The following MGMT variants were observed in gnomAD, a reference collection of about 807,000 sequenced individuals.
MGMT encodes methylated-DNA--protein-cysteine methyltransferase.
In MGMT, 14 loss-of-function variants were observed where a neutral mutation model predicts 15.9. The ratio of observed to expected loss-of-function variants is 0.88; its 90% confidence interval spans 0.58 to 1.37. MGMT has a LOEUF of 1.37. MGMT is among the 40% of genes most tolerant of loss of function. MGMT has a pLI of 0.00. For synonymous variants in MGMT, 130 were observed against 118.2 expected (o/e 1.10, Z -0.65); for missense variants, 282 against 268.1 (o/e 1.05, Z -0.36).
At chr10:129,729,817 C>T (rs1302237020) in intron 3 of MGMT, among the ~76,000 whole-genome samples, 1 of 152,184 alleles carries the variant, frequency 6.6e-6, no homozygotes, top group Admixed American at 6.5e-5. Context: ...GCACGATGAT[C>T]AATGGAAAAT....
chr10:129,766,176 GTCC>G (rs1369159811), intron 4 of MGMT, among the ~76,000 whole-genome samples: 1 of 152,220 alleles, frequency 6.6e-6, no homozygotes, highest in African/African-American at 2.4e-5. Context: ...GGTTGGCCAA[GTCC>G]TCCTGTCAAG....
chr10:129,697,964 G>T (rs1019578883), intron 2 of MGMT, among the ~76,000 whole-genome samples: 2 of 152,200 alleles, frequency 1.3e-5, no homozygotes, highest in African/African-American at 4.8e-5. Context: ...AACTCCAGTG[G>T]CACCAAGCGG....
chr10:129,551,696 A>G (rs1475268221), intron 2 of MGMT, among the ~76,000 whole-genome samples: 2 of 151,990 alleles, frequency 1.3e-5, no homozygotes, highest in Non-Finnish European at 2.9e-5. Context: ...TTACTCTCTT[A>G]TTTATTTATT....
At chr10:129,486,064 A>T (rs1406347206) in intron 1 of MGMT, among the ~76,000 whole-genome samples, 3 of 151,962 alleles carry the variant, frequency 2.0e-5, no homozygotes, top group Non-Finnish European at 4.4e-5. Context: ...TAGCCTTTTT[A>T]ATTTTTTTTT....
At chr10:129,686,570 T>TTGG (rs1409899216) in intron 2 of MGMT, among the ~76,000 whole-genome samples, 628 of 45,076 alleles carry the variant, frequency 0.014, 1 homozygote, top group African/African-American at 0.091. Context: ...AAATGGGGTT[T>TTGG]TCTGCTGCTC....
intron 2 of MGMT, among the ~76,000 whole-genome samples, chr10:129,560,212 A>G (rs1415764336): frequency 6.6e-6 from 1 of 152,218 alleles, no homozygotes; most frequent in East Asian, 1.9e-4. Flanking sequence ...GTAAGTTCTT[A>G]TATAAAAACG....
intron 3 of MGMT, among the ~76,000 whole-genome samples, chr10:129,741,725 A>G (rs942008645): frequency 3.3e-5 from 5 of 152,106 alleles, no homozygotes; most frequent in African/African-American, 1.2e-4. Context: ...CAGCTTTCTC[A>G]TGCATCCCGT....
intron 2 of MGMT, among the ~76,000 whole-genome samples, chr10:129,626,791 A>G (rs552140927): frequency 2.6e-5 from 4 of 152,374 alleles, no homozygotes; most frequent in South Asian, 4.1e-4. Flanking sequence ...AAGATGCACT[A>G]TAATTACTCT....
At chr10:129,605,298 C>CG (rs1846875711) in intron 2 of MGMT, among the ~76,000 whole-genome samples, 1 of 152,030 alleles carries the variant, frequency 6.6e-6, no homozygotes, top group Non-Finnish European at 1.5e-5. Flanking sequence ...ACTTACTCTA[C>CG]TATTTGCGGT....
intron 1 of MGMT, among the ~76,000 whole-genome samples, chr10:129,496,821 G>A (rs547674930): frequency 2.6e-5 from 4 of 152,014 alleles, no homozygotes; most frequent in African/African-American, 9.7e-5. Context: ...AAGGGATCTT[G>A]GTATATATTT....
intron 2 of MGMT, among the ~76,000 whole-genome samples, chr10:129,572,533 C>A (rs55776404): frequency 6.6e-6 from 1 of 152,110 alleles, no homozygotes; most frequent in Admixed American, 6.5e-5. Flanking sequence ...ATTCCGCTCT[C>A]GGAGCTTGAT....
chr10:129,727,799 C>T (rs948639598), intron 3 of MGMT, among the ~76,000 whole-genome samples: 1 of 152,216 alleles, frequency 6.6e-6, no homozygotes, highest in African/African-American at 2.4e-5. Flanking sequence ...GCCAGCACTG[C>T]AGGCAGCAAG....
chr10:129,590,411 A>T (rs1408850949), intron 2 of MGMT, among the ~76,000 whole-genome samples: 1 of 152,230 alleles, frequency 6.6e-6, no homozygotes, highest in African/African-American at 2.4e-5. Flanking sequence ...TTAGATGGCT[A>T]ACTCAGCATT....
intron 2 of MGMT, among the ~76,000 whole-genome samples, chr10:129,625,314 A>G (rs1847133989): frequency 6.6e-6 from 1 of 152,226 alleles, no homozygotes; most frequent in Non-Finnish European, 1.5e-5. Flanking sequence ...ATCTTATATT[A>G]GCCCTTTCAA....
intron 1 of MGMT, among the ~76,000 whole-genome samples, chr10:129,492,627 G>A (rs1054016232): frequency 2.0e-5 from 3 of 152,182 alleles, no homozygotes; most frequent in African/African-American, 7.2e-5. Context: ...CCCTTCCCAG[G>A]TGGAGTGGCT....
intron 2 of MGMT, among the ~76,000 whole-genome samples, chr10:129,576,644 T>C (rs921364973): frequency 4.0e-4 from 61 of 152,204 alleles, no homozygotes; most frequent in African/African-American, 1.3e-3. Context: ...GATGCCCTCT[T>C]TCACCACTCC....
At chr10:129,536,476 C>G in intron 2 of MGMT, 99 bp downstream of exon 2, 1 of 1,452,626 alleles carries the variant, frequency 6.9e-7, no homozygotes, top group Non-Finnish European at 9.3e-7. Flanking sequence ...CAGGGTAACG[C>G]ATAGCCTTAC....
At chr10:129,661,186 T>C (rs939336825) in intron 2 of MGMT, among the ~76,000 whole-genome samples, 1 of 152,236 alleles carries the variant, frequency 6.6e-6, no homozygotes, top group Non-Finnish European at 1.5e-5. Context: ...TTTTCCCACT[T>C]TGAGTGGAAA....
At chr10:129,680,310 C>T (rs907657396) in intron 2 of MGMT, among the ~76,000 whole-genome samples, 1 of 152,092 alleles carries the variant, frequency 6.6e-6, no homozygotes, top group African/African-American at 2.4e-5. Flanking sequence ...TTTTATTTCG[C>T]GGGCATGATT....
Sources: gnomAD v4.1 joint callset for allele counts (sites outside exome capture counted in the v4.1 genomes callset) on GRCh38, gnomAD v4.1.1 for gene constraint, MANE v1.5 for transcripts, NCBI Gene and HGNC (gene_info 2026-07-23, HGNC 2026-07-21) for gene names.